TMEM116: variants seen among roughly 807,000 people sequenced by gnomAD.
TMEM116 encodes the protein transmembrane protein 116.
TMEM116 carries 38 observed loss-of-function variants against 44.3 expected under a neutral mutation model. That is an observed-to-expected ratio of 0.86 (90% confidence interval 0.66 to 1.12). TMEM116 has a LOEUF of 1.12. Among genes scored for constraint, TMEM116 ranks in the 50% most tolerant of loss-of-function variants. TMEM116 has a pLI of 0.00. For missense variants in TMEM116, 354 were observed against 401.7 expected (o/e 0.88, Z 1.01); for synonymous variants, 132 against 144.8 (o/e 0.91, Z 0.64).
intron 3 of TMEM116, among the ~76,000 whole-genome samples, chr12:112,001,831 G>A (rs901882349): frequency 1.2e-4 from 19 of 152,234 alleles, no homozygotes; most frequent in Non-Finnish European, 2.6e-4. Flanking sequence ...GACTTACACA[G>A]TCACAATCTA....
intron 4 of TMEM116, among the ~76,000 whole-genome samples, chr12:111,951,301 C>T (rs1057036320): frequency 6.6e-6 from 1 of 152,244 alleles, no homozygotes; most frequent in African/African-American, 2.4e-5. Context: ...TTCGACTCAG[C>T]AATCCCATTA....
intron 3 of TMEM116, among the ~76,000 whole-genome samples, chr12:111,999,604 AAAAAT>A (rs1057103237): frequency 6.6e-6 from 1 of 151,980 alleles, no homozygotes; most frequent in Non-Finnish European, 1.5e-5. Context: ...ATCTCAAAAA[AAAAAT>A]AAAATAAATT....
intron 3 of TMEM116, among the ~76,000 whole-genome samples, chr12:111,994,961 G>A (rs1239282516): frequency 6.6e-6 from 1 of 152,144 alleles, no homozygotes; most frequent in Admixed American, 6.5e-5. Flanking sequence ...TGCATTCCCA[G>A]AGCTATGAAC....
intron 4 of TMEM116, among the ~76,000 whole-genome samples, chr12:111,950,869 A>G (rs1156425124): frequency 6.6e-6 from 1 of 152,348 alleles, no homozygotes; most frequent in Admixed American, 6.5e-5. Flanking sequence ...GCACAGCAAG[A>G]GAAATTACCA....
At chr12:112,000,506 C>T (rs2077191873) in intron 3 of TMEM116, among the ~76,000 whole-genome samples, 3 of 151,980 alleles carry the variant, frequency 2.0e-5, no homozygotes, top group Admixed American at 6.6e-5. Flanking sequence ...AGAGTTACTG[C>T]CTCTCATGAT....
At chr12:111,975,521 TAAG>T (rs2075620006) in intron 4 of TMEM116, among the ~76,000 whole-genome samples, 1 of 152,186 alleles carries the variant, frequency 6.6e-6, no homozygotes, top group Non-Finnish European at 1.5e-5. Context: ...TCAACTCTGA[TAAG>T]AAGAACACAA....
chr12:111,957,586 C>G (rs866118161), intron 4 of TMEM116, among the ~76,000 whole-genome samples: 1 of 151,040 alleles, frequency 6.6e-6, no homozygotes, highest in African/African-American at 2.4e-5. Flanking sequence ...TGGGGGCCAG[C>G]CCCCGCCCGG....
At chr12:111,946,690 C>G (rs952588185) in intron 4 of TMEM116, among the ~76,000 whole-genome samples, 1 of 152,172 alleles carries the variant, frequency 6.6e-6, no homozygotes, top group African/African-American at 2.4e-5. Flanking sequence ...GGGGCCTGTT[C>G]CCAACACCCC....
chr12:111,974,714 T>C lies in TMEM116; in HGVS notation c.210+17044A>G, dbSNP rs76596471. 1.6e-3 allele frequency among the ~76,000 whole-genome samples: 239 copies of C among 151,090 alleles called. 5 individuals carry two copies. In the East Asian group the frequency reaches 0.045, roughly 28 times the overall value. Reference sequence around the variant, plus strand: ...GCATCCAGAACTGGAAAGGAAAAAGTAACATTTTTATTTGTAGACAACATG... The same window carrying C: ...GCATCCAGAACTGGAAAGGAAAAAGCAACATTTTTATTTGTAGACAACATG... On this transcript the variant is annotated intron_variant, in intron 4 of 10. Coordinates refer to ENST00000552374, the MANE Select transcript of TMEM116 (RefSeq NM_001193531.2).
At chr12:111,963,188 T>C (rs1386120088) in intron 4 of TMEM116, among the ~76,000 whole-genome samples, 3 of 151,922 alleles carry the variant, frequency 2.0e-5, no homozygotes, top group East Asian at 1.9e-4. Context: ...TGTGGAGAAA[T>C]AGGAACAGAA....
intron 4 of TMEM116, among the ~76,000 whole-genome samples, chr12:111,990,310 T>C (rs1250567768): frequency 6.6e-6 from 1 of 151,586 alleles, no homozygotes; most frequent in Non-Finnish European, 1.5e-5. Context: ...AAAGTAAATA[T>C]TATTAATGAA....
chr12:112,011,088 C>A lies in TMEM116; in HGVS notation c.-34+1914G>T, dbSNP rs192645683. 4.6e-5 allele frequency: 7 copies of A among 152,394 alleles called. 1 individual carries two copies. The highest frequency in any genetic ancestry group is 4.6e-4 in the Admixed American group (7 of 15,306). 9.4% of individuals were successfully genotyped at this position (152,394 alleles called of 1,614,324 possible). On this transcript the variant is annotated intron_variant, in intron 1 of 10. Transcript: ENST00000552374. ...AGTCCAGGCGGTGGGAACAGACACT[C>A]CTGAGCCTGCAGGGATTGCAGTAGG...
At position 111,933,883 on chromosome 12, in the gene TMEM116, T is replaced by TAC. The variant is rs1183944243; in HGVS notation, c.733+1_733+2dup. On this transcript the variant is annotated splice_region_variant and intron_variant, in intron 9 of 10. Transcript: ENST00000552374. ...TGCCCATCTCTTCTTGTTAAGTACC[T>TAC]ACCTGGGCCCCAGCAGCAAAAGAAG... is the stretch of plus-strand genomic sequence containing the variant. 1 of 1,613,752 alleles carries TAC rather than the reference T, an allele frequency of 6.2e-7. No individual in the cohort carries two copies. The highest frequency in any genetic ancestry group is 8.5e-7 in the Non-Finnish European group (1 of 1,179,900).
intron 4 of TMEM116, among the ~76,000 whole-genome samples, chr12:111,976,085 T>C (rs920505530): frequency 6.6e-6 from 1 of 151,970 alleles, no homozygotes; most frequent in African/African-American, 2.4e-5. Flanking sequence ...CTTGGCTCAC[T>C]GCAACCTCCG....
intron 3 of TMEM116, among the ~76,000 whole-genome samples, chr12:112,002,114 A>G (rs2077290186): frequency 6.6e-6 from 1 of 152,186 alleles, no homozygotes; most frequent in African/African-American, 2.4e-5. Context: ...AATAAATACT[A>G]AAAATTTTGT....
chr12:111,957,311 C>T (rs1290624639), intron 4 of TMEM116, among the ~76,000 whole-genome samples: 5 of 152,076 alleles, frequency 3.3e-5, no homozygotes, highest in African/African-American at 9.7e-5. Context: ...GTGTCTCTGC[C>T]CCGCCGCCAC....
chr12:111,951,883 A>G (rs754022849), intron 4 of TMEM116, among the ~76,000 whole-genome samples: 2 of 152,220 alleles, frequency 1.3e-5, no homozygotes, highest in Non-Finnish European at 2.9e-5. Flanking sequence ...CAACATCCCA[A>G]TACAACTTTT....
intron 4 of TMEM116, among the ~76,000 whole-genome samples, chr12:111,962,032 A>G (rs2074626710): frequency 6.6e-6 from 1 of 152,228 alleles, no homozygotes; most frequent in African/African-American, 2.4e-5. Context: ...AACAGCAGAC[A>G]GAGAGCCAAA....
At chr12:111,975,141 G>A (rs1048925923) in intron 4 of TMEM116, among the ~76,000 whole-genome samples, 5 of 152,146 alleles carry the variant, frequency 3.3e-5, no homozygotes, top group Non-Finnish European at 7.4e-5. Context: ...TGTAGGAACT[G>A]ACAAGCGATA....
Sources: gnomAD v4.1 joint callset for allele counts (sites outside exome capture counted in the v4.1 genomes callset) on GRCh38, gnomAD v4.1.1 for gene constraint, MANE v1.5 for transcripts, NCBI Gene and HGNC (gene_info 2026-07-23, HGNC 2026-07-21) for gene names.